KIF14: variants seen among roughly 807,000 people sequenced by gnomAD.
KIF14 encodes the protein kinesin-like protein KIF14.
A neutral mutation model predicts 176.2 loss-of-function variants in KIF14; 98 were observed. The observed-to-expected ratio is 0.56, with a 90% CI of 0.47 to 0.66. The LOEUF is 0.66. Among genes scored for constraint, KIF14 ranks in the 30% least tolerant of loss-of-function variants. KIF14 has a pLI of 0.00. For synonymous variants in KIF14, 566 were observed against 632.2 expected (o/e 0.90, Z 1.57); for missense variants, 1,751 against 1,920.4 (o/e 0.91, Z 1.65).
At chr1:200,600,215 T>G in intron 12 of KIF14, 102 bp from the exon 13 acceptor site, 3 of 1,191,218 alleles carry the variant, frequency 2.5e-6, no homozygotes, top group Admixed American at 2.0e-5. Context: ...CCTAGTAATA[T>G]TTAAAATATG....
At chr1:200,619,846 T>G (rs945287070) in intron 1 of KIF14, among the ~76,000 whole-genome samples, 1 of 152,226 alleles carries the variant, frequency 6.6e-6, no homozygotes, top group Non-Finnish European at 1.5e-5. Flanking sequence ...CAGAGGTGTA[T>G]GTAAATATAC....
At chr1:200,570,807 A>C (rs1657742088) in intron 22 of KIF14, among the ~76,000 whole-genome samples, 1 of 152,026 alleles carries the variant, frequency 6.6e-6, no homozygotes, top group African/African-American at 2.4e-5. Flanking sequence ...TACATGGGTA[A>C]ATTTCATGCT....
intron 2 of KIF14, among the ~76,000 whole-genome samples, chr1:200,617,360 A>G (rs956069428): frequency 4.6e-5 from 7 of 152,254 alleles, no homozygotes; most frequent in Non-Finnish European, 1.0e-4. Flanking sequence ...TGACTTATTC[A>G]GACTTTTTAA....
In KIF14 at chr1:200,572,578, T is replaced by C. The variant is rs576407336; in HGVS notation, c.3567-2573A>G. Among the ~76,000 whole-genome samples the C allele has an allele frequency of 1.5e-3, 226 of 152,202 alleles. 5 individuals carry two copies. In the South Asian group the frequency reaches 0.036, roughly 24 times the overall value. ...CAGGATGGTCTCAATCTCCTGACCT[T>C]GTGATCCGCCCACCTTGGCCTCCCA... On this transcript the variant is annotated intron_variant, in intron 22 of 29. Transcript: ENST00000367350.
rs1185245311 is a variant in KIF14 at position 200,617,700 on chromosome 1, C to A, written c.1024G>T (p.Val342Phe). 1.9e-6 allele frequency: 3 copies of A among 1,614,164 alleles called. No homozygotes were observed. The highest frequency in any genetic ancestry group is 2.5e-6 in the Non-Finnish European group (3 of 1,180,012). Residue 342 changes from valine to phenylalanine, a missense_variant, in exon 2 of 30, where the codon GTT (valine) becomes TTT (phenylalanine). Coordinates refer to ENST00000367350, the MANE Select transcript of KIF14 (RefSeq NM_014875.3). ...TCTTTTCCTGCAGAGGTGTTCTGAA[C>A]TACAGTTTCTTCTTCGGGAAGAATT... The part of the protein sequence containing the change: ...NTILPEEETV[V>F]QNTSAGKDPL...
At chr1:200,606,415 G>A (rs754454445) in intron 6 of KIF14, among the ~76,000 whole-genome samples, 2 of 152,172 alleles carry the variant, frequency 1.3e-5, no homozygotes, top group African/African-American at 2.4e-5. Flanking sequence ...TAAAAAGCAG[G>A]TTGAGAGGGA....
chr1:200,577,506 T>C (rs1658185682), intron 21 of KIF14, among the ~76,000 whole-genome samples: 1 of 151,870 alleles, frequency 6.6e-6, no homozygotes, highest in African/African-American at 2.4e-5. Context: ...ATATTAAGAT[T>C]GGTTGGTAGG....
chr1:200,605,479 A>G (rs2102743598), intron 7 of KIF14, 89 bp from the exon 8 acceptor site: 2 of 833,454 alleles, frequency 2.4e-6, no homozygotes, highest in African/African-American at 3.5e-5. Context: ...CACATTTGTA[A>G]TTCAGATCAG....
At chr1:200,569,800 C>A (rs971367467) in intron 23 of KIF14, 111 bp downstream of exon 23, 4 of 552,182 alleles carry the variant, frequency 7.2e-6, no homozygotes, top group African/African-American at 5.7e-5. Context: ...ACAGAGGAAT[C>A]AGAAGCTTCC....
At chr1:200,561,441 A>G (rs1340581873) in intron 25 of KIF14, among the ~76,000 whole-genome samples, 1 of 151,838 alleles carries the variant, frequency 6.6e-6, no homozygotes, top group African/African-American at 2.4e-5. Flanking sequence ...CAGGAGGCTG[A>G]GGCAGGAGAA....
chr1:200,598,975 T>C (rs1409889820), intron 13 of KIF14, among the ~76,000 whole-genome samples: 2 of 152,120 alleles, frequency 1.3e-5, no homozygotes, highest in Admixed American at 6.6e-5. Context: ...CATCACCAAA[T>C]TGTGTCTTCT....
intron 21 of KIF14, among the ~76,000 whole-genome samples, chr1:200,579,206 C>T (rs1262986613): frequency 3.3e-5 from 5 of 152,194 alleles, no homozygotes; most frequent in Admixed American, 2.6e-4. Flanking sequence ...CAATGGCTCA[C>T]GCCTGTAATC....
chr1:200,595,932 CAAAAAAAAAAAAA>C (rs35375679), intron 14 of KIF14, among the ~76,000 whole-genome samples: 3 of 52,244 alleles, frequency 5.7e-5, no homozygotes, highest in Non-Finnish European at 1.2e-4. Context: ...ACTCCATCTC[CAAAAAAAAAAAAA>C]AAAAAAAAGA....
At chr1:200,600,546 T>A in intron 11 of KIF14, 43 bp from the exon 12 acceptor site, 1 of 1,389,436 alleles carries the variant, frequency 7.2e-7, no homozygotes, top group South Asian at 1.2e-5. Context: ...ACATTTAATA[T>A]ATAACAATTT....
rs757036430 is a variant in KIF14, at chr1:200,593,709, A to G, written c.2610T>C (p.Tyr870=). The G allele has an allele frequency of 3.1e-6, 5 of 1,612,786 alleles. No individual in the cohort carries two copies. Among genetic ancestry groups the G allele is most frequent in the South Asian group, 2.2e-5 (2 of 91,066 alleles). Residue 870 remains tyrosine, a synonymous_variant, in exon 15 of 30, where the codon TAT becomes TAC. Transcript: ENST00000367350. Reference sequence around the variant, plus strand: ...TTTCCAAAATATGTTTTCCATTTACATATGTCTTTGCTTCCCCAACTGGGA... The same window carrying G: ...TTTCCAAAATATGTTTTCCATTTACGTATGTCTTTGCTTCCCCAACTGGGA... ...SIIPVGEAKT[Y]VNGKHILEIT...
chr1:200,565,215 GAA>G lies in KIF14; in HGVS notation c.3923_3924del (p.Ile1308ThrfsTer7). 6.2e-7 allele frequency: 1 copy of G among 1,611,508 alleles called. No homozygotes were observed. The highest frequency in any genetic ancestry group is 2.2e-5 in the East Asian group (1 of 44,840). On this transcript the variant is annotated frameshift_variant, in exon 25 of 30. Coordinates refer to ENST00000367350, the MANE Select transcript of KIF14 (RefSeq NM_014875.3). LOFTEE classifies it high-confidence loss of function. Reference protein sequence around the residue: ...SSDRAIQSLTIQTACAFEQLV... With the variant: ...SSDRAIQSLTXQTACAFEQLV... The stretch of plus-strand genomic sequence containing the variant: ...AGCTGCTCAAAAGCACATGCAGTCT[GAA>G]TAGTAAGTGACTGGATTGCTCGATC...
intron 4 of KIF14, among the ~76,000 whole-genome samples, chr1:200,613,135 G>T (rs933497411): frequency 6.6e-6 from 1 of 151,910 alleles, no homozygotes; most frequent in East Asian, 1.9e-4. Flanking sequence ...TGATCTGCCC[G>T]CTTCGGCCTC....
intron 17 of KIF14, among the ~76,000 whole-genome samples, 155 bp downstream of exon 17, chr1:200,589,970 G>A (rs1658969049): frequency 6.6e-6 from 1 of 151,864 alleles, no homozygotes. Context: ...ATTTCTTAAA[G>A]TAAAATTAAA....
At position 200,555,396 on chromosome 1, in the gene KIF14, A is replaced by G; in HGVS notation, c.4412T>C (p.Phe1471Ser). ...TTCTCTTACAATTTTCGATTCAGCA[A>G]AGATGTTTTCAAGAGATCTAATCAA... is the stretch of plus-strand genomic sequence containing the variant. ...MGLIRSLENI[F>S]AESKIKSFRR... The change falls in exon 28 of 30, where the codon TTT (phenylalanine) becomes TCT (serine). Residue 1471 changes from phenylalanine to serine, a missense_variant. Physicochemically the swap from Phe to Ser is radical, Grantham distance 155. Transcript: ENST00000367350. 1 of 1,580,814 alleles carries G rather than the reference A, an allele frequency of 6.3e-7. No homozygotes were observed. The highest frequency in any genetic ancestry group is 8.6e-7 in the Non-Finnish European group (1 of 1,162,802).
Sources: gnomAD v4.1 joint callset for allele counts (sites outside exome capture counted in the v4.1 genomes callset) on GRCh38, gnomAD v4.1.1 for gene constraint, MANE v1.5 for transcripts, NCBI Gene and HGNC (gene_info 2026-07-23, HGNC 2026-07-21) for gene names.